Variants in TOP1MT observed in about 807,000 individuals in gnomAD.
TOP1MT encodes the protein DNA topoisomerase I, mitochondrial.
In TOP1MT, 80 loss-of-function variants were observed where a neutral mutation model predicts 73.9. The observed-to-expected ratio is 1.08, with a 90% CI of 0.90 to 1.30. TOP1MT has a LOEUF of 1.30. Among genes scored for constraint, TOP1MT ranks in the 50% most tolerant of loss-of-function variants. The probability of loss-of-function intolerance (pLI) is 0.00; values close to 1 mark genes in which losing one functional copy is unlikely to be tolerated. For synonymous variants in TOP1MT, 338 were observed against 326.4 expected (o/e 1.04, Z -0.38); for missense variants, 815 against 808.0 (o/e 1.01, Z -0.10).
chr8:143,329,507 G>A (rs371893688), intron 2 of TOP1MT, 36 bp from the exon 3 acceptor site: 31 of 1,589,360 alleles, frequency 2.0e-5, no homozygotes, highest in East Asian at 9.2e-5. Context: ...ATGAGAGAGC[G>A]GCCAGAGGCT....
chr8:143,322,117 C>CCA (rs1288966566), intron 7 of TOP1MT, among the ~76,000 whole-genome samples: 1 of 112,538 alleles, frequency 8.9e-6, no homozygotes, highest in Non-Finnish European at 1.8e-5. Flanking sequence ...CACATGCACG[C>CCA]CACACACACA....
chr8:143,325,394 A>T lies in TOP1MT; in HGVS notation c.623T>A (p.Met208Lys), dbSNP rs772144521. 3.7e-6 allele frequency: 6 copies of T among 1,611,020 alleles called. No individual in the cohort carries two copies. The highest frequency in any genetic ancestry group is 4.2e-6 in the Non-Finnish European group (5 of 1,177,538). The change falls in exon 5 of 14, where the codon ATG becomes AAG. Residue 208 changes from methionine to lysine, a missense_variant. Physicochemically the swap from Met to Lys is moderately conservative, Grantham distance 95 (BLOSUM62 -1). Transcript: ENST00000329245. Reference sequence around the variant, plus strand: ...CTCTGGCGTGATCCTTCTCTTCAGCATCCCCATCTTGGGATGGTCGCCACG... The same window carrying T: ...CTCTGGCGTGATCCTTCTCTTCAGCTTCCCCATCTTGGGATGGTCGCCACG... ...RGRGDHPKMG[M>K]LKRRITPEDV...
In TOP1MT at chr8:143,318,043, C is replaced by G; in HGVS notation, c.1190G>C (p.Arg397Pro). Reference protein sequence around the residue: ...LQLFMENKDPRDDLFDRLTTT... With the variant: ...LQLFMENKDPPDDLFDRLTTT... Reference sequence around the variant, plus strand: ...GGTCAGCCTGTCGAAGAGGTCGTCCCGGGGGTCCTTGTTCTCCATAAAGAG... The same window carrying G: ...GGTCAGCCTGTCGAAGAGGTCGTCCGGGGGGTCCTTGTTCTCCATAAAGAG... Residue 397 changes from arginine to proline, a missense_variant, in exon 9 of 14, where the codon CGG becomes CCG. Transcript: ENST00000329245. 1 of 1,614,104 alleles carries G rather than the reference C, an allele frequency of 6.2e-7. No individual in the cohort carries two copies. Among genetic ancestry groups the G allele is most frequent in the East Asian group, 2.2e-5 (1 of 44,876 alleles).
chr8:143,357,813 C>T (rs1817436664), upstream of TOP1MT, among the ~76,000 whole-genome samples: 1 of 151,494 alleles, frequency 6.6e-6, no homozygotes, highest in Non-Finnish European at 1.5e-5. Flanking sequence ...CTCAGCTACT[C>T]AGGAGGCTGA....
intron 3 of TOP1MT, among the ~76,000 whole-genome samples, chr8:143,329,012 C>T (rs1343324343): frequency 6.6e-6 from 1 of 152,204 alleles, no homozygotes; most frequent in African/African-American, 2.4e-5. Flanking sequence ...CTCTACTCTC[C>T]TTCTTATATG....
At chr8:143,313,673 G>A (rs1328752559) in intron 12 of TOP1MT, among the ~76,000 whole-genome samples, 1 of 151,388 alleles carries the variant, frequency 6.6e-6, no homozygotes, top group Admixed American at 6.6e-5. Context: ...GGGCAACATG[G>A]TGAAACCCCG....
chr8:143,359,341 G>T, upstream of TOP1MT: 2 of 985,524 alleles, frequency 2.0e-6, no homozygotes, highest in South Asian at 4.7e-5. Context: ...AGAAGAGAAG[G>T]GCAGGGAAAA....
chr8:143,311,997 G>C (rs1816026887), intron 12 of TOP1MT, among the ~76,000 whole-genome samples: 1 of 152,050 alleles, frequency 6.6e-6, no homozygotes, highest in Non-Finnish European at 1.5e-5. Context: ...CCAAAGAAAA[G>C]CCCAGGCCTA....
intron 5 of TOP1MT, 139 bp from the exon 6 acceptor site, chr8:143,324,768 T>C (rs1014301967): frequency 1.9e-6 from 2 of 1,035,520 alleles, no homozygotes; most frequent in Non-Finnish European, 2.8e-6. Flanking sequence ...GCATCAGAGG[T>C]GGCCTGCCTG....
At chr8:143,339,284 G>T (rs1817033729), upstream of TOP1MT, among the ~76,000 whole-genome samples, 1 of 152,188 alleles carries the variant, frequency 6.6e-6, no homozygotes, top group Non-Finnish European at 1.5e-5. Flanking sequence ...CTAATGCGAT[G>T]GTATGCATCG....
intron 7 of TOP1MT, among the ~76,000 whole-genome samples, chr8:143,323,108 C>CCA (rs1563760820): frequency 2.9e-5 from 4 of 137,994 alleles, no homozygotes; most frequent in African/African-American, 2.8e-5. Flanking sequence ...AACACGCACG[C>CCA]CACACATGCA....
intron 1 of TOP1MT, among the ~76,000 whole-genome samples, chr8:143,333,252 G>A (rs909930054): frequency 1.3e-5 from 2 of 152,060 alleles, no homozygotes; most frequent in Non-Finnish European, 2.9e-5. Context: ...TTCGAGACCC[G>A]CCTGGCCAAC....
chr8:143,359,015 GT>G (rs796285123), upstream of TOP1MT, among the ~76,000 whole-genome samples: 35 of 129,836 alleles, frequency 2.7e-4, no homozygotes, highest in African/African-American at 1.2e-3. Context: ...CTGTTTTTTG[GT>G]TTTTTTTTTA....
In TOP1MT at chr8:143,321,224, TGTA is replaced by T; in HGVS notation, c.1120_1122del (p.Tyr374del). On this transcript the variant is annotated inframe_deletion, in exon 8 of 14. Coordinates refer to ENST00000329245, the MANE Select transcript of TOP1MT (RefSeq NM_052963.3). ...ACCGGCTTCTCCACCGGCACTCTGT[TGTA>T]GTAGCGGATGCAGTCCTTCCCCAGG... The T allele has an allele frequency of 6.2e-7, 1 of 1,608,606 alleles. No individual in the cohort carries two copies. Among genetic ancestry groups the T allele is most frequent in the East Asian group, 2.2e-5 (1 of 44,694 alleles).
intron 3 of TOP1MT, among the ~76,000 whole-genome samples, chr8:143,329,091 C>T (rs1816782536): frequency 1.3e-5 from 2 of 152,104 alleles, no homozygotes; most frequent in African/African-American, 4.8e-5. Context: ...CCACAGCCTG[C>T]CTGGGAAGGG....
chr8:143,333,309 G>A (rs560370922), intron 1 of TOP1MT, among the ~76,000 whole-genome samples: 5 of 152,148 alleles, frequency 3.3e-5, no homozygotes, highest in Admixed American at 6.5e-5. Flanking sequence ...TTAGCTAGGC[G>A]TGGTGGCGGG....
At chr8:143,321,433 G>C (rs774331322) in intron 7 of TOP1MT, 47 bp from the exon 8 acceptor site, 17 of 1,472,170 alleles carry the variant, frequency 1.2e-5, no homozygotes, top group Non-Finnish European at 1.4e-5. Context: ...GCACACGCAC[G>C]CCACACACAC....
intron 7 of TOP1MT, among the ~76,000 whole-genome samples, chr8:143,321,708 T>C (rs373142340): frequency 3.9e-3 from 112 of 28,808 alleles, no homozygotes; most frequent in East Asian, 0.02. Flanking sequence ...CACGCACACA[T>C]GCCACACACG....
chr8:143,355,153 C>T (rs963666363), intron 1 of TOP1MT, among the ~76,000 whole-genome samples: 40 of 152,132 alleles, frequency 2.6e-4, no homozygotes, highest in Non-Finnish European at 5.7e-4. Flanking sequence ...CCGGGGATGA[C>T]CCAGCTCCTC....
Sources: gnomAD v4.1 joint callset for allele counts (sites outside exome capture counted in the v4.1 genomes callset) on GRCh38, gnomAD v4.1.1 for gene constraint, MANE v1.5 for transcripts, NCBI Gene and HGNC (gene_info 2026-07-23, HGNC 2026-07-21) for gene names.